Variants in ABL1 observed in about 807,000 individuals in gnomAD.
ABL1 encodes tyrosine-protein kinase ABL1.
ABL1 carries 11 observed loss-of-function variants against 94.7 expected under a neutral mutation model. The ratio of observed to expected loss-of-function variants is 0.12; its 90% CI spans 0.07 to 0.19. ABL1 has a LOEUF of 0.19. Ranked by LOEUF, ABL1 falls within the 10% of genes least tolerant of loss-of-function variation. The pLI, the probability that ABL1 is intolerant of heterozygous loss-of-function variation, is 1.00. For missense variants in ABL1, 1,082 were observed against 1,489.4 expected, an observed-to-expected ratio of 0.73 and a Z score of 4.50; for synonymous variants, 656 against 622.4, an observed-to-expected ratio of 1.05 and a Z score of -0.80.
At position 130,873,440 on chromosome 9, in the gene ABL1, C is replaced by T. The variant is rs537892682; in HGVS notation, c.1085+403C>T. Among the ~76,000 whole-genome samples, 157 of 152,352 alleles carry T rather than the reference C, an allele frequency of 1.0e-3. 2 individuals carry two copies. The Middle Eastern group carries it at 0.017, about 17-fold the overall frequency. ...GCAGTAATGGCCTCTTCCTGGGAGC[C>T]GCTGGCATTGCTTTTACGCAAACTC... is the stretch of plus-strand genomic sequence containing the variant. On this transcript the variant is annotated intron_variant, in intron 6 of 10. Coordinates refer to ENST00000318560, the MANE Select transcript of ABL1 (RefSeq NM_005157.6).
intron 8 of ABL1, 53 bp downstream of exon 8, chr9:130,878,620 T>G: frequency 6.2e-7 from 1 of 1,601,934 alleles, no homozygotes; most frequent in Non-Finnish European, 8.5e-7. Context: ...TCCAGGAAAT[T>G]CAACTGTGCA....
chr9:130,879,661 G>C (rs1831418042), intron 8 of ABL1, among the ~76,000 whole-genome samples: 1 of 152,212 alleles, frequency 6.6e-6, no homozygotes. Flanking sequence ...ACTAGGCTTT[G>C]TCAGTCTGTT....
In ABL1 at chr9:130,750,227, A is replaced by ATATATC. The variant is rs1554759829; in HGVS notation, c.136+35777_136+35778insCTATAT. On this transcript the variant is annotated intron_variant, in intron 1 of 10. Transcript: ENST00000372348. ...TATATATATATATATATATATATATATATATATATCCAAGTATAAGTATAT... is the reference window on the plus strand; with the variant it reads ...TATATATATATATATATATATATATATATATCTATATATATCCAAGTATAAGTATAT... Among the ~76,000 whole-genome samples the ATATATC allele has an allele frequency of 8.4e-4, 112 of 132,916 alleles. 1 individual carries two copies. The highest frequency in any genetic ancestry group is 3.1e-3 in the South Asian group (13 of 4,240). The allele number at this position is 132,916 out of a possible 152,430, so 87.2% of individuals were successfully genotyped here.
At chr9:130,841,537 C>A (rs999764215) in intron 1 of ABL1, among the ~76,000 whole-genome samples, 7 of 150,056 alleles carry the variant, frequency 4.7e-5, no homozygotes, top group Non-Finnish European at 7.4e-5. Flanking sequence ...TCAGGCCGGG[C>A]GCGGTGGCTG....
intron 1 of ABL1, among the ~76,000 whole-genome samples, chr9:130,735,891 G>GTA (rs1831728770): frequency 9.6e-6 from 1 of 103,978 alleles, no homozygotes. Context: ...ATGTCTGTGT[G>GTA]TATATATATG....
chr9:130,755,607 C>T (rs1479633087), intron 1 of ABL1, among the ~76,000 whole-genome samples: 2 of 152,180 alleles, frequency 1.3e-5, no homozygotes, highest in African/African-American at 2.4e-5. Flanking sequence ...AGACGTGCCC[C>T]CTCACATGGT....
intron 1 of ABL1, among the ~76,000 whole-genome samples, chr9:130,816,063 G>A (rs1203127162): frequency 1.3e-5 from 2 of 152,044 alleles, no homozygotes; most frequent in Admixed American, 1.3e-4. Flanking sequence ...AGCCCTGGCA[G>A]TCACCTGTGA....
intron 1 of ABL1, among the ~76,000 whole-genome samples, chr9:130,716,015 AAT>A (rs1208184824): frequency 3.5e-5 from 5 of 144,186 alleles, no homozygotes; most frequent in East Asian, 2.0e-4. Flanking sequence ...AAACAAACTA[AAT>A]ATATATATAC....
intron 1 of ABL1, among the ~76,000 whole-genome samples, chr9:130,788,400 G>A (rs1829860269): frequency 6.6e-6 from 1 of 152,066 alleles, no homozygotes; most frequent in Non-Finnish European, 1.5e-5. Flanking sequence ...ACAACATTTT[G>A]TCCTTTTATC....
intron 4 of ABL1, among the ~76,000 whole-genome samples, chr9:130,867,743 C>G (rs1462795183): frequency 6.6e-6 from 1 of 152,218 alleles, no homozygotes; most frequent in Non-Finnish European, 1.5e-5. Context: ...AAGGAGGGCT[C>G]GGAGCCTGCT....
At chr9:130,719,715 G>A (rs1247833556) in intron 1 of ABL1, among the ~76,000 whole-genome samples, 1 of 152,118 alleles carries the variant, frequency 6.6e-6, no homozygotes, top group Non-Finnish European at 1.5e-5. Flanking sequence ...GATTGTTTGC[G>A]ATCTTTCATA....
intron 1 of ABL1, among the ~76,000 whole-genome samples, chr9:130,747,146 G>C (rs1360646474): frequency 6.6e-6 from 1 of 152,108 alleles, no homozygotes; most frequent in East Asian, 1.9e-4. Context: ...AAGCCGAGGA[G>C]GGCAGATTGC....
At position 130,855,910 on chromosome 9, in the gene ABL1, A is replaced by ATGTT. The variant is rs142747024; in HGVS notation, c.549+832_549+835dup. Among the ~76,000 whole-genome samples the ATGTT allele has an allele frequency of 3.5e-3, 537 of 151,760 alleles. 3 individuals are homozygous for ATGTT. Among genetic ancestry groups the ATGTT allele is most frequent in the Non-Finnish European group, 4.9e-3 (336 of 67,936 alleles). On this transcript the variant is annotated intron_variant, in intron 3 of 10. Coordinates refer to ENST00000318560, the MANE Select transcript of ABL1 (RefSeq NM_005157.6). ...TGTTGATAGGTGGTCCCGATGGTGT[A>ATGTT]TGTTTGTTTGTTTGTTTGTTTTTGA...
rs1026732164 is a variant in ABL1 at position 130,719,064 on chromosome 9, G to A, written c.136+4609G>A. 2.0e-5 allele frequency among the ~76,000 whole-genome samples: 3 copies of A among 151,970 alleles called. No individual in the cohort carries two copies. The East Asian group carries it at 5.8e-4, about 29-fold the overall frequency. On this transcript the variant is annotated intron_variant, in intron 1 of 10. Transcript: ENST00000372348. ...AAAACAAAAATATCTGTTTATTTGT[G>A]TATGTCCAGGAAAAAAAAGTATGGA... is the stretch of plus-strand genomic sequence containing the variant.
chr9:130,863,010 T>G lies in ABL1; in HGVS notation c.797T>G (p.Leu266Arg). 1 of 1,609,646 alleles carries G rather than the reference T, an allele frequency of 6.2e-7. No individual in the cohort carries two copies. The change falls in exon 4 of 11, where the codon CTG becomes CGG. Residue 266 changes from leucine to arginine, a missense_variant. Transcript: ENST00000318560. The surrounding 1 kb of genome is among the most constrained non-coding windows in gnomAD (Gnocchi z 4.3). ...GAGGGCGTGTGGAAGAAATACAGCC[T>G]GACGGTGGCCGTGAAGACCTTGAAG... ...VYEGVWKKYS[L>R]TVAVKTLKED...
At chr9:130,859,352 C>CATTT (rs1415454154) in intron 3 of ABL1, among the ~76,000 whole-genome samples, 1 of 152,182 alleles carries the variant, frequency 6.6e-6, no homozygotes, top group Non-Finnish European at 1.5e-5. Context: ...AGGAAGGGAC[C>CATTT]ATTTACACAG....
chr9:130,776,966 C>T (rs1487447044), intron 1 of ABL1, among the ~76,000 whole-genome samples: 4 of 151,938 alleles, frequency 2.6e-5, no homozygotes, highest in Non-Finnish European at 5.9e-5. Flanking sequence ...AGATTTCTTT[C>T]CTTGAGTATT....
rs1291148009 is a variant in ABL1, at chr9:130,885,227, C to A, written c.2937C>A (p.Ala979=). ...CGTCGGGGACCCCCATCAGCCCAGC[C>A]CCCGTTCCCTCCACGTTGCCATCAG... The part of the protein sequence containing the change: ...AKPSGTPISP[A]PVPSTLPSAS... Residue 979 remains alanine (A), a synonymous_variant, in exon 11 of 11, where the codon GCC becomes GCA. Coordinates refer to ENST00000318560, the MANE Select transcript of ABL1 (RefSeq NM_005157.6). 6.2e-7 allele frequency: 1 copy of A among 1,613,754 alleles called. No individual in the cohort carries two copies. Among genetic ancestry groups the A allele is most frequent in the East Asian group, 2.2e-5 (1 of 44,890 alleles).
intron 1 of ABL1, among the ~76,000 whole-genome samples, chr9:130,799,315 A>G (rs867804416): frequency 4.5e-4 from 68 of 152,332 alleles, no homozygotes; most frequent in African/African-American, 1.5e-3. Context: ...GGCCATGGGA[A>G]AGAATTATTG....
Sources: allele counts gnomAD v4.1 joint callset (sites outside exome capture counted in the v4.1 genomes callset), GRCh38; gene constraint gnomAD v4.1.1; non-coding constraint Gnocchi (gnomAD v3.1); transcripts MANE v1.5; gene names NCBI Gene and HGNC (gene_info 2026-07-23, HGNC 2026-07-21).